CUL1: variants seen among roughly 807,000 people sequenced by gnomAD.
CUL1 encodes cullin-1.
In CUL1, 24 loss-of-function variants were observed where a neutral mutation model predicts 118.0. That is an observed-to-expected ratio of 0.20 (90% CI 0.15 to 0.29). CUL1 has a LOEUF of 0.29. Among genes scored for constraint, CUL1 ranks in the 10% least tolerant of loss-of-function variants. The pLI is 1.00. For missense variants in CUL1, 361 were observed against 933.8 expected (o/e 0.39, Z 7.99); for synonymous variants, 332 against 340.4 (o/e 0.98, Z 0.27).
rs1203503228 is a variant in CUL1 at position 148,797,942 on chromosome 7, G to A, written c.1953G>A (p.Leu651=). Reference sequence around the variant, plus strand: ...TAACAATTGTTTTCTTACAGGTCTTGGAAGATGAAAATGCAAATGTTGATG... The same window carrying A: ...TAACAATTGTTTTCTTACAGGTCTTAGAAGATGAAAATGCAAATGTTGATG... ...QILLKSKLLV[L]EDENANVDEV... is the part of the protein sequence containing the mutation. Residue 651 remains leucine, a synonymous_variant, in exon 19 of 22, where the codon TTG becomes TTA. Coordinates refer to ENST00000325222, the MANE Select transcript of CUL1 (RefSeq NM_003592.3). 1.9e-6 allele frequency: 3 copies of A among 1,612,580 alleles called. No individual in the cohort carries two copies. Among genetic ancestry groups the A allele is most frequent in the Non-Finnish European group, 1.7e-6 (2 of 1,178,846 alleles).
intron 2 of CUL1, among the ~76,000 whole-genome samples, chr7:148,743,478 G>A (rs975704222): frequency 2.0e-5 from 3 of 152,186 alleles, no homozygotes; most frequent in African/African-American, 7.2e-5. Context: ...GGTGTAGAAT[G>A]TTACAACTGC....
intron 9 of CUL1, among the ~76,000 whole-genome samples, chr7:148,778,808 G>C (rs1800513181): frequency 6.6e-6 from 1 of 152,186 alleles, no homozygotes; most frequent in Admixed American, 6.5e-5. Flanking sequence ...AGGTAGTGTA[G>C]GCAAGAGCAG....
intron 1 of CUL1, among the ~76,000 whole-genome samples, chr7:148,701,607 C>T (rs1191846686): frequency 1.3e-5 from 2 of 152,122 alleles, no homozygotes; most frequent in Admixed American, 6.6e-5. Context: ...GTTAAGGCTC[C>T]TCCTTGTAGA....
At chr7:148,711,864 A>C (rs1798065242) in intron 1 of CUL1, among the ~76,000 whole-genome samples, 1 of 152,218 alleles carries the variant, frequency 6.6e-6, no homozygotes, top group African/African-American at 2.4e-5. Flanking sequence ...GGGAACTGTG[A>C]ATTGAGATTG....
At chr7:148,788,418 TA>T in intron 13 of CUL1, 138 bp from the exon 14 acceptor site, 2 of 613,660 alleles carry the variant, frequency 3.3e-6, no homozygotes, top group East Asian at 2.8e-5. Flanking sequence ...TACTGTAAAA[TA>T]TAGCAAAATG....
At chr7:148,704,858 A>G (rs1416614529) in intron 1 of CUL1, among the ~76,000 whole-genome samples, 1 of 152,046 alleles carries the variant, frequency 6.6e-6, no homozygotes, top group African/African-American at 2.4e-5. Context: ...ACATATATTT[A>G]TAGTACAGTG....
chr7:148,784,152 A>G, intron 11 of CUL1, 75 bp downstream of exon 11: 1 of 1,165,934 alleles, frequency 8.6e-7, no homozygotes, highest in East Asian at 2.4e-5. Flanking sequence ...TAAAACCTAC[A>G]TTACATTTTA....
At chr7:148,706,071 C>T (rs1274093997) in intron 1 of CUL1, among the ~76,000 whole-genome samples, 2 of 152,138 alleles carry the variant, frequency 1.3e-5, no homozygotes, top group African/African-American at 4.8e-5. Flanking sequence ...TGCAGGTGCA[C>T]AACAGTTTAT....
chr7:148,758,288 A>G (rs540990494), intron 4 of CUL1, among the ~76,000 whole-genome samples: 1 of 152,380 alleles, frequency 6.6e-6, no homozygotes, highest in South Asian at 2.1e-4. Context: ...CAGATTCTAC[A>G]TAAAGGAGTT....
At position 148,759,551 on chromosome 7, in the gene CUL1, A is replaced by T. The variant is rs1799773533; in HGVS notation, c.538A>T (p.Thr180Ser). ...CLFRPLNKQV[T>S]NAVLKLIEKE... Reference sequence around the variant, plus strand: ...TTTTTCTACATCCTTTCTAAAGGTAACAAATGCTGTTTTAAAGCTGATTGA... The same window carrying T: ...TTTTTCTACATCCTTTCTAAAGGTATCAAATGCTGTTTTAAAGCTGATTGA... The change falls in exon 6 of 22, where the codon ACA becomes TCA. Residue 180 changes from threonine (T) to serine (S), a missense_variant. Thr to Ser is a moderately conservative substitution (Grantham distance 58, BLOSUM62 1). Transcript: ENST00000325222. The T allele has an allele frequency of 6.3e-7, 1 of 1,598,022 alleles. No individual in the cohort carries two copies. The highest frequency in any genetic ancestry group is 8.6e-7 in the Non-Finnish European group (1 of 1,168,758).
At chr7:148,793,922 TA>T (rs767330544) in intron 17 of CUL1, among the ~76,000 whole-genome samples, 1 of 152,120 alleles carries the variant, frequency 6.6e-6, no homozygotes. Context: ...TTTTCATTTT[TA>T]AAAAAAATTA....
chr7:148,751,440 C>A (rs993129324), intron 2 of CUL1, among the ~76,000 whole-genome samples: 3 of 149,386 alleles, frequency 2.0e-5, no homozygotes, highest in Admixed American at 1.4e-4. Flanking sequence ...CACATCTACT[C>A]AGGAGAATCG....
At position 148,801,051 on chromosome 7, in the gene CUL1, TGTTTTAA is replaced by T. The variant is rs975879083; in HGVS notation, c.*476_*482del. 6.5e-6 allele frequency: 1 copy of T among 152,912 alleles called. No individual in the cohort carries two copies. Among genetic ancestry groups the T allele is most frequent in the African/African-American group, 2.4e-5 (1 of 41,444 alleles). The allele number at this position is 152,912 out of a possible 1,614,324, so 9.5% of individuals were successfully genotyped here. On this transcript the variant is annotated 3_prime_UTR_variant, in exon 22 of 22. Transcript: ENST00000325222. ...TTTCTGTACAAGTCGCATTGGGTTT[TGTTTTAA>T]GTTTTACTAATTTCTATATGTAAAT...
At chr7:148,698,567 G>C (rs1203439426), upstream of CUL1, 1 of 151,946 alleles carries the variant, frequency 6.6e-6, no homozygotes. Context: ...GCGAGCGGGG[G>C]CCTCGGCCGC....
At chr7:148,742,117 T>A (rs55916816) in intron 2 of CUL1, among the ~76,000 whole-genome samples, 5,395 of 152,310 alleles carry the variant, frequency 0.035, 334 homozygotes, top group African/African-American at 0.12. Context: ...GGAATCAGCT[T>A]GTTAACTTCC....
At chr7:148,752,798 G>A (rs1241059119) in intron 2 of CUL1, among the ~76,000 whole-genome samples, 1 of 152,136 alleles carries the variant, frequency 6.6e-6, no homozygotes, top group African/African-American at 2.4e-5. Context: ...ACAGGCGCCT[G>A]CCACCACGCC....
chr7:148,700,187 T>C (rs1179288039), intron 1 of CUL1, among the ~76,000 whole-genome samples: 1 of 152,198 alleles, frequency 6.6e-6, no homozygotes, highest in Non-Finnish European at 1.5e-5. Context: ...CTCTGTGTAA[T>C]TGCTCTTTCC....
chr7:148,767,931 G>A (rs138618507), intron 9 of CUL1, among the ~76,000 whole-genome samples, 182 bp downstream of exon 9: 14 of 152,184 alleles, frequency 9.2e-5, no homozygotes, highest in African/African-American at 3.1e-4. Context: ...AAATACCTCC[G>A]TAAGTTTTTC....
At position 148,797,929 on chromosome 7, in the gene CUL1, T is replaced by TCC; in HGVS notation, c.1948-7_1948-6insCC. The TCC allele has an allele frequency of 6.2e-7, 1 of 1,612,714 alleles. No homozygotes were observed. Among genetic ancestry groups the TCC allele is most frequent in the Non-Finnish European group, 8.5e-7 (1 of 1,178,896 alleles). ...TGAGATTGTAGAGTAACAATTGTTTTCTTACAGGTCTTGGAAGATGAAAAT... is the reference window on the plus strand; with the variant it reads ...TGAGATTGTAGAGTAACAATTGTTTTCCCTTACAGGTCTTGGAAGATGAAAAT... On this transcript the variant is annotated splice_region_variant and splice_polypyrimidine_tract_variant and intron_variant, in intron 18 of 21. Coordinates refer to ENST00000325222, the MANE Select transcript of CUL1 (RefSeq NM_003592.3).
Sources: allele counts gnomAD v4.1 joint callset (sites outside exome capture counted in the v4.1 genomes callset), GRCh38; gene constraint gnomAD v4.1.1; transcripts MANE v1.5; gene names NCBI Gene and HGNC (gene_info 2026-07-23, HGNC 2026-07-21).